SEM1: variants seen among roughly 807,000 people sequenced by gnomAD.
SEM1 encodes the protein 26S proteasome complex subunit SEM1.
A neutral mutation model predicts 12.7 loss-of-function variants in SEM1; 3 were observed. That is an observed-to-expected ratio of 0.24 (90% CI 0.11 to 0.61). The LOEUF is 0.61. Among genes scored for constraint, SEM1 ranks in the 20% least tolerant of loss-of-function variants. The probability of loss-of-function intolerance (pLI) is 0.88; values close to 1 mark genes in which losing one functional copy is unlikely to be tolerated. For missense variants in SEM1, 59 were observed against 81.3 expected (o/e 0.73, Z 1.06); for synonymous variants, 30 against 27.8 (o/e 1.08, Z -0.25).
At chr7:96,486,578 T>C (rs1201788628) in intron 1 of SEM1, among the ~76,000 whole-genome samples, 3 of 152,144 alleles carry the variant, frequency 2.0e-5, no homozygotes, top group Non-Finnish European at 4.4e-5. Context: ...GAGCAGGGGC[T>C]TCTTTCTGCC....
intron 2 of SEM1, among the ~76,000 whole-genome samples, chr7:96,680,731 T>G (rs888660554): frequency 1.3e-5 from 2 of 152,106 alleles, no homozygotes; most frequent in African/African-American, 4.8e-5. Context: ...ACCTGACCAG[T>G]GAATTAAAAC....
chr7:96,646,391 C>T (rs897477538), intron 2 of SEM1, among the ~76,000 whole-genome samples: 1 of 152,172 alleles, frequency 6.6e-6, no homozygotes, highest in Non-Finnish European at 1.5e-5. Context: ...AAGTCCAGCT[C>T]AAAGTTTCTC....
chr7:96,644,361 C>T (rs961948149), intron 2 of SEM1, among the ~76,000 whole-genome samples: 9 of 152,048 alleles, frequency 5.9e-5, no homozygotes, highest in African/African-American at 1.9e-4. Flanking sequence ...AAAGAGTGCT[C>T]CCAGATTCTG....
At chr7:96,599,507 A>G (rs1807124712) in intron 2 of SEM1, among the ~76,000 whole-genome samples, 1 of 152,184 alleles carries the variant, frequency 6.6e-6, no homozygotes, top group Non-Finnish European at 1.5e-5. Flanking sequence ...TTTGCTGATG[A>G]GACTGGTATC....
At chr7:96,486,401 GCACAAA>G (rs1802770007) in exon 2 of SEM1, 1 of 1,536,830 alleles carries the variant, frequency 6.5e-7, no homozygotes, top group African/African-American at 1.4e-5. Context: ...AGCAAACACA[GCACAAA>G]TGTTGGAGTC....
At chr7:96,548,248 C>G (rs1321575249) in intron 2 of SEM1, among the ~76,000 whole-genome samples, 1 of 152,138 alleles carries the variant, frequency 6.6e-6, no homozygotes, top group African/African-American at 2.4e-5. Flanking sequence ...CTTCTGACAT[C>G]CAGAATTCTC....
At chr7:96,677,945 A>G (rs930283716) in intron 2 of SEM1, among the ~76,000 whole-genome samples, 2 of 152,202 alleles carry the variant, frequency 1.3e-5, no homozygotes, top group Non-Finnish European at 2.9e-5. Flanking sequence ...ACTTGCATTA[A>G]CAATCATCAC....
chr7:96,674,649 A>G (rs1267734979), intron 2 of SEM1, among the ~76,000 whole-genome samples: 1 of 152,188 alleles, frequency 6.6e-6, no homozygotes, highest in East Asian at 1.9e-4. Context: ...CCTGGGCAAC[A>G]GAGCAAGACC....
rs143801302 is a variant in SEM1 at position 96,528,339 on chromosome 7, G to A, written c.171-21641C>T. On this transcript the variant is annotated intron_variant and NMD_transcript_variant, in intron 2 of 3. Coordinates refer to the SEM1 transcript ENST00000466986. The stretch of plus-strand genomic sequence containing the variant: ...CTCCCAAGTATCTGGGACTACAGGC[G>A]TGCCACCACACCTGGCTAATTTTTG... Among the ~76,000 whole-genome samples the A allele has an allele frequency of 6.1e-3, 922 of 152,058 alleles. 7 individuals carry two copies. Among genetic ancestry groups the A allele is most frequent in the Non-Finnish European group, 9.3e-3 (635 of 67,966 alleles).
chr7:96,588,213 AG>A (rs1253002393), intron 2 of SEM1, among the ~76,000 whole-genome samples: 1 of 151,736 alleles, frequency 6.6e-6, no homozygotes, highest in Non-Finnish European at 1.5e-5. Flanking sequence ...AAAATTAGCC[AG>A]GTGTCGTGGT....
At chr7:96,565,346 T>C (rs1462633264) in intron 2 of SEM1, among the ~76,000 whole-genome samples, 2 of 151,840 alleles carry the variant, frequency 1.3e-5, no homozygotes, top group African/African-American at 2.4e-5. Flanking sequence ...CCTTTACTTG[T>C]AGGTTGGAAG....
At chr7:96,676,448 A>G (rs1454583013) in intron 2 of SEM1, among the ~76,000 whole-genome samples, 1 of 152,222 alleles carries the variant, frequency 6.6e-6, no homozygotes, top group Non-Finnish European at 1.5e-5. Context: ...ACCCACAATT[A>G]TTAAAAGGGT....
At chr7:96,638,951 T>C (rs1808509746) in intron 2 of SEM1, among the ~76,000 whole-genome samples, 1 of 151,960 alleles carries the variant, frequency 6.6e-6, no homozygotes, top group Non-Finnish European at 1.5e-5. Flanking sequence ...ACTTGAACTT[T>C]CTTATCTGTA....
chr7:96,623,256 T>C (rs946662605), intron 2 of SEM1, among the ~76,000 whole-genome samples: 1 of 152,078 alleles, frequency 6.6e-6, no homozygotes, highest in Non-Finnish European at 1.5e-5. Context: ...AACTTTAACA[T>C]TGACTCTCCT....
chr7:96,517,177 T>C (rs6960700), intron 2 of SEM1, among the ~76,000 whole-genome samples: 107,818 of 151,964 alleles, frequency 0.71, 38,681 homozygotes, highest in East Asian at 0.87. Context: ...TGTCCTAATG[T>C]GTAGAATGTA....
intron 1 of SEM1, among the ~76,000 whole-genome samples, chr7:96,494,941 G>A (rs911488421): frequency 2.3e-5 from 3 of 131,424 alleles, no homozygotes; most frequent in Non-Finnish European, 3.2e-5. Context: ...AGCATTGGAA[G>A]ATTATTCTAA....
intron 3 of SEM1, among the ~76,000 whole-genome samples, chr7:96,505,272 T>G (rs943898940): frequency 1.3e-5 from 2 of 151,854 alleles, no homozygotes; most frequent in Non-Finnish European, 2.9e-5. Context: ...CAGCTAATTT[T>G]TTTGTATTTT....
chr7:96,503,193 G>A (rs1367861579), intron 3 of SEM1, among the ~76,000 whole-genome samples: 1 of 152,098 alleles, frequency 6.6e-6, no homozygotes, highest in African/African-American at 2.4e-5. Context: ...TATTTAGTGA[G>A]TTGTTAAACT....
chr7:96,638,098 AT>A (rs1808482970), intron 2 of SEM1, among the ~76,000 whole-genome samples: 1 of 151,972 alleles, frequency 6.6e-6, no homozygotes. Flanking sequence ...GTTACATGGT[AT>A]TGTTTTTATA....
Sources: allele counts gnomAD v4.1 joint callset (sites outside exome capture counted in the v4.1 genomes callset), GRCh38; gene constraint gnomAD v4.1.1; transcripts MANE v1.5; gene names NCBI Gene and HGNC (gene_info 2026-07-23, HGNC 2026-07-21).